MBP: variants seen among roughly 807,000 people sequenced by gnomAD.
The protein encoded by MBP is myelin basic protein, also known as Golli-MBP.
MBP carries 16 observed loss-of-function variants against 35.8 expected under a neutral mutation model. That is an observed-to-expected ratio of 0.45 (90% CI 0.30 to 0.68). MBP has a LOEUF of 0.68. Among genes scored for constraint, MBP ranks in the 30% least tolerant of loss-of-function variants. The pLI is 0.08. For synonymous variants in MBP, 143 were observed against 159.6 expected, an observed-to-expected ratio of 0.90 and a Z score of 0.78; for missense variants, 380 against 404.7, an observed-to-expected ratio of 0.94 and a Z score of 0.52.
At chr18:77,010,257 G>A (rs749112164) in intron 4 of MBP, 2 of 305,528 alleles carry the variant, frequency 6.5e-6, no homozygotes, top group Non-Finnish European at 1.2e-5. Flanking sequence ...ATGGGACCAA[G>A]AGTTCTTAAT....
At chr18:76,992,135 A>G (rs1969965212) in intron 4 of MBP, among the ~76,000 whole-genome samples, 1 of 152,018 alleles carries the variant, frequency 6.6e-6, no homozygotes, top group East Asian at 1.9e-4. Context: ...TCCCTACTCG[A>G]TCCTCTTCAA....
Position 77,048,729 on chromosome 18 carries a change from G to T in MBP, c.139+17569C>A, listed in dbSNP as rs534674630. On this transcript the variant is annotated intron_variant, in intron 3 of 8. Coordinates refer to ENST00000355994, the MANE Select transcript of MBP (RefSeq NM_001025101.2). ...TCCTCCCACCTTGGCCTCCCAAAGTGTTGGGATTACAGGCGTGAGCCACCA... is the reference window on the plus strand; with the variant it reads ...TCCTCCCACCTTGGCCTCCCAAAGTTTTGGGATTACAGGCGTGAGCCACCA... Among the ~76,000 whole-genome samples, 7 of 152,256 alleles carry T rather than the reference G, an allele frequency of 4.6e-5. No individual in the cohort carries two copies. In the South Asian group the frequency reaches 1.0e-3, roughly 23 times the overall value.
chr18:77,092,773 C>A (rs1015230903), intron 2 of MBP, among the ~76,000 whole-genome samples: 1 of 152,124 alleles, frequency 6.6e-6, no homozygotes, highest in African/African-American at 2.4e-5. Flanking sequence ...CCAGACCCCT[C>A]GGAGAAGCAG....
chr18:77,081,765 TATACAC>T (rs1471859689), intron 2 of MBP, among the ~76,000 whole-genome samples: 89 of 93,182 alleles, frequency 9.6e-4, no homozygotes, highest in African/African-American at 1.9e-3. Context: ...TATATATATA[TATACAC>T]ACACACACAC....
Position 76,990,188 on chromosome 18 carries a change from T to C in MBP, c.577-128A>G, listed in dbSNP as rs571542751. On this transcript the variant is annotated intron_variant, in intron 4 of 8. Transcript: ENST00000355994. ...TTTTTTTTTAACAGTCAGGAATACT[T>C]TATTAAGGACTATTGTGATAGATGG... 4.8e-4 allele frequency: 296 copies of C among 618,094 alleles called. 1 individual carries two copies. The highest frequency in any genetic ancestry group is 1.4e-3 in the Middle Eastern group (4 of 2,870). The allele number at this position is 618,094 out of a possible 1,614,324, so 38.3% of individuals were successfully genotyped here.
chr18:77,071,190 C>G (rs1974431536), intron 2 of MBP, among the ~76,000 whole-genome samples: 1 of 152,132 alleles, frequency 6.6e-6, no homozygotes, highest in Non-Finnish European at 1.5e-5. Context: ...TCTTAAAGTC[C>G]TGATTCAGAC....
intron 3 of MBP, among the ~76,000 whole-genome samples, chr18:77,065,235 G>A (rs1004001840): frequency 6.6e-6 from 1 of 152,152 alleles, no homozygotes; most frequent in Non-Finnish European, 1.5e-5. Context: ...AAGTCCCAGG[G>A]CATGGCACTG....
At chr18:77,021,282 T>TAC (rs934213089) in intron 3 of MBP, among the ~76,000 whole-genome samples, 3 of 151,928 alleles carry the variant, frequency 2.0e-5, no homozygotes, top group African/African-American at 4.8e-5. Context: ...CACCCACGTG[T>TAC]ACACACACAC....
chr18:77,062,526 A>G (rs1198479783), intron 3 of MBP, among the ~76,000 whole-genome samples: 1 of 151,920 alleles, frequency 6.6e-6, no homozygotes, highest in African/African-American at 2.4e-5. Flanking sequence ...AAAAAAAACA[A>G]ATCACAGAAG....
intron 4 of MBP, among the ~76,000 whole-genome samples, chr18:76,996,232 T>G (rs1478296635): frequency 6.6e-6 from 1 of 152,190 alleles, no homozygotes; most frequent in Non-Finnish European, 1.5e-5. Flanking sequence ...ATTTGGTAGT[T>G]TCTTAGAAAG....
intron 1 of MBP, among the ~76,000 whole-genome samples, chr18:77,124,811 T>C (rs564489268): frequency 6.6e-6 from 1 of 152,292 alleles, no homozygotes; most frequent in East Asian, 1.9e-4. Context: ...AGACTGCTCT[T>C]AGAGGCCCAG....
At chr18:77,026,054 G>A (rs948316656) in intron 3 of MBP, among the ~76,000 whole-genome samples, 6 of 152,256 alleles carry the variant, frequency 3.9e-5, no homozygotes, top group Non-Finnish European at 7.3e-5. Flanking sequence ...CCTGGGATGA[G>A]GCTGAGCCTG....
At chr18:77,019,343 G>C (rs534117693) in intron 3 of MBP, among the ~76,000 whole-genome samples, 26 of 152,260 alleles carry the variant, frequency 1.7e-4, no homozygotes, top group African/African-American at 5.5e-4. Context: ...CAGTAGGGTG[G>C]GCCCTACTCC....
chr18:77,029,422 C>T (rs1318223935), intron 3 of MBP, among the ~76,000 whole-genome samples: 1 of 55,882 alleles, frequency 1.8e-5, no homozygotes, highest in African/African-American at 7.8e-5. Context: ...AGAGGGAGAC[C>T]GTGGGGAGAG....
At chr18:77,022,991 C>T (rs551357401) in intron 3 of MBP, among the ~76,000 whole-genome samples, 4 of 152,334 alleles carry the variant, frequency 2.6e-5, no homozygotes, top group East Asian at 3.9e-4. Flanking sequence ...TGCAGATCTA[C>T]ATTTTCCAAA....
intron 1 of MBP, chr18:77,114,478 T>C (rs920743894): frequency 6.6e-6 from 1 of 152,372 alleles, no homozygotes; most frequent in Admixed American, 6.5e-5. Flanking sequence ...ACGTGTCAGT[T>C]AGATTAGCAT....
At chr18:77,043,921 G>T (rs1973114054) in intron 3 of MBP, among the ~76,000 whole-genome samples, 1 of 151,884 alleles carries the variant, frequency 6.6e-6, no homozygotes, top group South Asian at 2.1e-4. Context: ...GGCCGGATCT[G>T]GTCCCAGCCA....
intron 4 of MBP, among the ~76,000 whole-genome samples, chr18:76,992,360 C>A (rs1969981631): frequency 6.6e-6 from 1 of 152,202 alleles, no homozygotes. Flanking sequence ...GTGCCGCTGG[C>A]CTGACAGGAG....
At position 77,068,931 on chromosome 18, in the gene MBP, C is replaced by T. The variant is rs921702476; in HGVS notation, c.52-2546G>A. ...GGACAAAGAGCAGCAGCCGCCACCA[C>T]GGAGCTGAGCCTTGGGGGCCTCACC... On this transcript the variant is annotated intron_variant, in intron 2 of 8. Transcript: ENST00000355994. The T allele has an allele frequency of 2.8e-5, 13 of 458,682 alleles. 1 individual carries two copies. Among genetic ancestry groups the T allele is most frequent in the East Asian group, 1.4e-4 (2 of 14,638 alleles). 28.4% of individuals were successfully genotyped at this position (458,682 alleles called of 1,614,324 possible). A position where few individuals can be genotyped will look rare whatever the true frequency, so the allele number is the denominator to read the frequency against.
Sources: gnomAD v4.1 joint callset for allele counts (sites outside exome capture counted in the v4.1 genomes callset) on GRCh38, gnomAD v4.1.1 for gene constraint, MANE v1.5 for transcripts, NCBI Gene and HGNC (gene_info 2026-07-23, HGNC 2026-07-21) for gene names.